Variants in ATG13 observed in about 807,000 individuals in gnomAD.
The protein encoded by ATG13 is autophagy related 13.
In ATG13, 23 loss-of-function variants were observed where a neutral mutation model predicts 65.5. The observed-to-expected ratio is 0.35, with a 90% CI of 0.25 to 0.50. ATG13 has a LOEUF of 0.50. Among genes scored for constraint, ATG13 ranks in the 20% least tolerant of loss-of-function variants. The pLI, the probability that ATG13 is intolerant of heterozygous loss-of-function variation, is 0.98. For synonymous variants in ATG13, 252 were observed against 245.2 expected (o/e 1.03, Z -0.26); for missense variants, 566 against 677.0 (o/e 0.84, Z 1.82).
rs1342613365 is a variant in ATG13, at chr11:46,629,356, G to A, written c.-69-689G>A. Among the ~76,000 whole-genome samples, 7 of 152,238 alleles carry A rather than the reference G, an allele frequency of 4.6e-5. No homozygotes were observed. In the Middle Eastern group the frequency reaches 0.014, roughly 296 times the overall value. On this transcript the variant is annotated intron_variant, in intron 1 of 18. Transcript: ENST00000683050. ...TGTGTGCGCTTTCACTTTGTATTAT[G>A]TGAGATTCATCTATTTGTGTTCACA...
At chr11:46,644,082 C>G (rs2056892490) in intron 2 of ATG13, among the ~76,000 whole-genome samples, 197 bp from the exon 3 acceptor site, 1 of 152,132 alleles carries the variant, frequency 6.6e-6, no homozygotes, top group South Asian at 2.1e-4. Context: ...AGATGTAGCT[C>G]AGTGTGGAAT....
At chr11:46,632,342 A>G (rs1330077370) in intron 2 of ATG13, 1 of 152,232 alleles carries the variant, frequency 6.6e-6, no homozygotes, top group Non-Finnish European at 1.5e-5. Flanking sequence ...TTTTAATAAC[A>G]AGATAGTAAG....
intron 11 of ATG13, 22 bp from the exon 12 acceptor site, chr11:46,663,972 TGTC>T: frequency 1.1e-6 from 1 of 949,570 alleles, no homozygotes; most frequent in Admixed American, 2.5e-5. Context: ...TTGTTTCTCC[TGTC>T]TCTGTGTGTG....
At chr11:46,652,742 T>G (rs565784816) in intron 7 of ATG13, among the ~76,000 whole-genome samples, 1 of 152,160 alleles carries the variant, frequency 6.6e-6, no homozygotes, top group African/African-American at 2.4e-5. Context: ...AGAAAAAGTT[T>G]AGCAAATTTT....
rs1200048992 is a variant in ATG13 at position 46,657,595 on chromosome 11, C to T, written c.668C>T (p.Ser223Phe). 4 of 1,610,294 alleles carry T rather than the reference C, an allele frequency of 2.5e-6. No homozygotes were observed. The highest frequency in any genetic ancestry group is 2.7e-5 in the African/African-American group (2 of 74,830). ...TTTGTGGACCGTCCCTATCCCAGCT[C>T]CTCTCCCATGCACCCCTGCAATTAC... ...DHFVDRPYPS[S>F]SPMHPCNYRT... Residue 223 changes from serine (S) to phenylalanine (F), a missense_variant, in exon 10 of 19, where the codon TCC becomes TTC. By Grantham distance (155) the Ser-to-Phe change is radical. This residue lies in a region of ATG13 where 387 missense variants were observed against 409.8 expected (regional missense o/e 0.94). Coordinates refer to ENST00000683050, the MANE Select transcript of ATG13 (RefSeq NM_001346311.2).
At position 46,657,087 on chromosome 11, in the gene ATG13, T is replaced by C; in HGVS notation, c.500-8T>C. 1 of 1,609,596 alleles carries C rather than the reference T, an allele frequency of 6.2e-7. No homozygotes were observed. The highest frequency in any genetic ancestry group is 8.5e-7 in the Non-Finnish European group (1 of 1,175,934). On this transcript the variant is annotated splice_region_variant and splice_polypyrimidine_tract_variant and intron_variant, in intron 8 of 18. Transcript: ENST00000683050. ...CAAAAGAAGCTAATAATGTATCTCT[T>C]CTCCTAGGCTTCCAGACAGTTCGTG...
chr11:46,646,760 T>A (rs2057670001), intron 5 of ATG13, among the ~76,000 whole-genome samples: 1 of 151,946 alleles, frequency 6.6e-6, no homozygotes. Flanking sequence ...CTACTGCGCC[T>A]GGCCTGTTTT....
chr11:46,625,780 A>G (rs1045470365), intron 1 of ATG13, among the ~76,000 whole-genome samples: 1 of 152,196 alleles, frequency 6.6e-6, no homozygotes, highest in African/African-American at 2.4e-5. Context: ...GTGTTACAAC[A>G]TACAGAAGAA....
At chr11:46,647,223 T>G (rs935023543) in intron 5 of ATG13, among the ~76,000 whole-genome samples, 8 of 152,188 alleles carry the variant, frequency 5.3e-5, no homozygotes, top group Non-Finnish European at 1.2e-4. Context: ...TATTTGTTTC[T>G]AGAGTGTGAC....
At chr11:46,664,764 C>A in intron 12 of ATG13, 85 bp from the exon 13 acceptor site, 2 of 1,249,166 alleles carry the variant, frequency 1.6e-6, no homozygotes, top group Non-Finnish European at 2.3e-6. Flanking sequence ...TATCTCTCTA[C>A]TGAGCCATCT....
intron 5 of ATG13, among the ~76,000 whole-genome samples, chr11:46,648,102 AC>A (rs113498247): frequency 3.6e-5 from 5 of 137,118 alleles, no homozygotes; most frequent in East Asian, 4.3e-4. Context: ...ACTTAACCCC[AC>A]CCCCCCCAGC....
intron 2 of ATG13, among the ~76,000 whole-genome samples, chr11:46,640,930 A>T (rs1408605793): frequency 6.6e-6 from 1 of 152,240 alleles, no homozygotes; most frequent in Non-Finnish European, 1.5e-5. Context: ...TAAGCTAAAC[A>T]TACGTACCGT....
chr11:46,671,395 A>C (rs1043844182), intron 18 of ATG13, among the ~76,000 whole-genome samples: 4 of 152,172 alleles, frequency 2.6e-5, no homozygotes, highest in African/African-American at 9.7e-5. Context: ...TTCTGTCTTT[A>C]CCATTCTCTC....
At chr11:46,629,782 AG>A (rs2051036852) in intron 1 of ATG13, 1 of 152,180 alleles carries the variant, frequency 6.6e-6, no homozygotes, top group Non-Finnish European at 1.5e-5. Flanking sequence ...TTAGAATACA[AG>A]CTCCATAATA....
intron 11 of ATG13, 22 bp from the exon 12 acceptor site, chr11:46,663,975 C>G (rs1555121418): frequency 8.5e-6 from 6 of 705,058 alleles, no homozygotes; most frequent in Admixed American, 3.1e-5. Context: ...TTTCTCCTGT[C>G]TCTGTGTGTG....
intron 4 of ATG13, 123 bp downstream of exon 4, chr11:46,645,542 C>A: frequency 6.1e-6 from 5 of 825,402 alleles, no homozygotes; most frequent in East Asian, 2.7e-5. Flanking sequence ...TATCTAATTC[C>A]ATTTGATCCA....
At chr11:46,655,665 A>G (rs1243765119) in intron 7 of ATG13, among the ~76,000 whole-genome samples, 3 of 152,244 alleles carry the variant, frequency 2.0e-5, no homozygotes, top group Admixed American at 6.5e-5. Flanking sequence ...ATTTCTCAGT[A>G]GGTATAATTT....
intron 1 of ATG13, among the ~76,000 whole-genome samples, chr11:46,624,788 T>C (rs2135720812): frequency 6.6e-6 from 1 of 152,222 alleles, no homozygotes; most frequent in South Asian, 2.1e-4. Context: ...ATCATAGCAC[T>C]TTGGGAGGCT....
In ATG13 at chr11:46,628,065, G is replaced by A. The variant is rs1299882056; in HGVS notation, c.-69-1980G>A. Among the ~76,000 whole-genome samples, 11 of 147,288 alleles carry A rather than the reference G, an allele frequency of 7.5e-5. No homozygotes were observed. The Admixed American group carries it at 7.5e-4, about 10-fold the overall frequency. On this transcript the variant is annotated intron_variant, in intron 1 of 18. Transcript: ENST00000683050. ...GCCACTGCACTCTAACCTGGACAAA[G>A]GATTGAGACCTTGTCTCAAAAAAAA...
Sources: gnomAD v4.1 joint callset for allele counts (sites outside exome capture counted in the v4.1 genomes callset) on GRCh38, gnomAD v4.1.1 for gene constraint, gnomAD v4.1.1 regional missense constraint, MANE v1.5 for transcripts, NCBI Gene and HGNC (gene_info 2026-07-23, HGNC 2026-07-21) for gene names.